Variants in WDR49 observed in about 807,000 individuals in gnomAD.
WDR49 encodes cilia- and flagella-associated protein 337.
Under a neutral mutation model 119.5 loss-of-function variants are expected in WDR49, and 107 were observed. That is an observed-to-expected ratio of 0.90 (90% CI 0.77 to 1.05). The LOEUF is 1.05. Among genes scored for constraint, WDR49 ranks in the 50% least tolerant of loss-of-function variants. The probability of loss-of-function intolerance (pLI) is 0.00; values close to 1 mark genes in which losing one functional copy is unlikely to be tolerated. For missense variants in WDR49, 1,240 were observed against 1,220.5 expected (o/e 1.02, Z -0.24); for synonymous variants, 425 against 418.8 (o/e 1.01, Z -0.18).
At chr3:167,506,587 T>C (rs1246045067) in intron 16 of WDR49, among the ~76,000 whole-genome samples, 1 of 152,192 alleles carries the variant, frequency 6.6e-6, no homozygotes, top group Non-Finnish European at 1.5e-5. Context: ...AGGTTTTAGA[T>C]TTGCAGAAAA....
At chr3:167,517,858 A>G (rs185990930) in intron 16 of WDR49, among the ~76,000 whole-genome samples, 1 of 152,032 alleles carries the variant, frequency 6.6e-6, no homozygotes, top group East Asian at 1.9e-4. Context: ...AGCATTAGTT[A>G]TATCTCCTAA....
intron 18 of WDR49, among the ~76,000 whole-genome samples, chr3:167,491,035 C>A (rs1440263712): frequency 6.6e-6 from 1 of 152,028 alleles, no homozygotes; most frequent in Non-Finnish European, 1.5e-5. Context: ...CATCCCAGAT[C>A]CCTATACAGA....
At chr3:167,563,440 A>T (rs1240870882) in intron 8 of WDR49, among the ~76,000 whole-genome samples, 2 of 151,990 alleles carry the variant, frequency 1.3e-5, no homozygotes, top group Admixed American at 6.6e-5. Context: ...TTTCTCACAG[A>T]AGTGCTTAGG....
Position 167,621,610 on chromosome 3 carries a change from A to G in WDR49, c.640T>C (p.Phe214Leu). 6.5e-7 allele frequency: 1 copy of G among 1,534,454 alleles called. No homozygotes were observed. Among genetic ancestry groups the G allele is most frequent in the Non-Finnish European group, 8.7e-7 (1 of 1,146,020 alleles). Reference protein sequence around the residue: ...AVAFTSKEVCFYDLLSKEEFA... With the variant: ...AVAFTSKEVCLYDLLSKEEFA... ...TCTTCTTTGGACAGCAGATCATAGA[A>G]ACAAACCTCTTTACTTGTAAAAGCC... is the stretch of plus-strand genomic sequence containing the variant. The change falls in exon 4 of 19, where the codon TTC becomes CTC. Residue 214 changes from phenylalanine (F) to leucine (L), a missense_variant. Physicochemically the swap from Phe to Leu is conservative, Grantham distance 22. Transcript: ENST00000682715.
chr3:167,572,954 T>C (rs1714020585), intron 8 of WDR49, among the ~76,000 whole-genome samples: 1 of 152,096 alleles, frequency 6.6e-6, no homozygotes. Flanking sequence ...AAAACTGCAG[T>C]TCAGGGTACC....
chr3:167,479,002 A>G lies in WDR49; in HGVS notation c.3032-6T>C, dbSNP rs1750590346. The G allele has an allele frequency of 6.4e-7, 1 of 1,563,264 alleles. No individual in the cohort carries two copies. The highest frequency in any genetic ancestry group is 1.4e-5 in the African/African-American group (1 of 73,154). On this transcript the variant is annotated splice_polypyrimidine_tract_variant and splice_region_variant and intron_variant, in intron 18 of 18. Transcript: ENST00000682715. ...ATCAAATACAGCTTTCAAAGCTACA[A>G]AATGATGAGGAAAATCACAAGTGAA...
chr3:167,607,718 T>C (rs923304504), intron 5 of WDR49, among the ~76,000 whole-genome samples: 12 of 152,150 alleles, frequency 7.9e-5, no homozygotes, highest in African/African-American at 2.9e-4. Context: ...GTTCTTCCTA[T>C]TACCAACTAC....
In WDR49 at chr3:167,633,977, C is replaced by T. The variant is rs148515319; in HGVS notation, c.166-6685G>A. Among the ~76,000 whole-genome samples, 581 of 151,946 alleles carry T rather than the reference C, an allele frequency of 3.8e-3. 3 individuals carry two copies. The highest frequency in any genetic ancestry group is 5.8e-3 in the Non-Finnish European group (393 of 67,896). ...ATAGATAGGGAAATACTGGGAATTTCGGAAATTTTACTTCATTATAAAACA... is the reference window on the plus strand; with the variant it reads ...ATAGATAGGGAAATACTGGGAATTTTGGAAATTTTACTTCATTATAAAACA... On this transcript the variant is annotated intron_variant, in intron 2 of 18. Coordinates refer to ENST00000682715, the MANE Select transcript of WDR49 (RefSeq NM_001366157.1).
At chr3:167,500,363 G>T in intron 17 of WDR49, 64 bp from the exon 18 acceptor site, 1 of 1,557,728 alleles carries the variant, frequency 6.4e-7, no homozygotes, top group South Asian at 1.2e-5. Context: ...TTAACTCCTT[G>T]GAAAGAGCCA....
At chr3:167,538,100 T>G (rs145231458) in intron 10 of WDR49, among the ~76,000 whole-genome samples, 14 of 152,258 alleles carry the variant, frequency 9.2e-5, no homozygotes, top group African/African-American at 3.1e-4. Context: ...TTTCTCTCTA[T>G]CCACTCAAAC....
At chr3:167,510,708 T>C (rs966616238) in intron 16 of WDR49, among the ~76,000 whole-genome samples, 3 of 152,098 alleles carry the variant, frequency 2.0e-5, no homozygotes, top group African/African-American at 7.2e-5. Flanking sequence ...TACACCCCAA[T>C]TTTTTAACCT....
chr3:167,500,425 G>A (rs1297320824), intron 17 of WDR49, 126 bp from the exon 18 acceptor site: 3 of 1,127,774 alleles, frequency 2.7e-6, no homozygotes, highest in East Asian at 2.6e-5. Context: ...TACTCAGCTG[G>A]TACAGCTGCA....
chr3:167,484,223 A>T (rs1255064104), intron 18 of WDR49, among the ~76,000 whole-genome samples: 1 of 152,146 alleles, frequency 6.6e-6, no homozygotes. Context: ...AACTTTAGAT[A>T]AGGGAGATTA....
intron 3 of WDR49, among the ~76,000 whole-genome samples, chr3:167,622,834 A>T (rs904529005): frequency 6.6e-6 from 1 of 152,164 alleles, no homozygotes; most frequent in African/African-American, 2.4e-5. Context: ...GCAAATCTCA[A>T]AAAATTTAAA....
chr3:167,527,638 G>A (rs573838576), intron 15 of WDR49, among the ~76,000 whole-genome samples, 182 bp downstream of exon 15: 57 of 152,088 alleles, frequency 3.7e-4, no homozygotes, highest in Non-Finnish European at 7.2e-4. Context: ...TCCACTTGAT[G>A]GAACTGTCTT....
At chr3:167,605,053 T>C (rs1264381935) in intron 5 of WDR49, among the ~76,000 whole-genome samples, 1 of 151,186 alleles carries the variant, frequency 6.6e-6, no homozygotes, top group Admixed American at 6.6e-5. Flanking sequence ...TGTGTACATA[T>C]ACATATGGCG....
intron 7 of WDR49, among the ~76,000 whole-genome samples, chr3:167,599,588 C>A (rs755385045): frequency 6.6e-6 from 1 of 152,168 alleles, no homozygotes; most frequent in Non-Finnish European, 1.5e-5. Flanking sequence ...TGATCTGGTA[C>A]CTAAGGTGCT....
chr3:167,599,790 CT>C (rs1341884643), intron 7 of WDR49, among the ~76,000 whole-genome samples: 1 of 150,408 alleles, frequency 6.6e-6, no homozygotes, highest in African/African-American at 2.5e-5. Flanking sequence ...TACTTTACTT[CT>C]GCTTTTCTCA....
intron 16 of WDR49, among the ~76,000 whole-genome samples, chr3:167,513,074 C>T (rs1752049027): frequency 6.6e-6 from 1 of 152,026 alleles, no homozygotes. Flanking sequence ...CAAGACAGGC[C>T]AACATTCAAA....
Sources: gnomAD v4.1 joint callset for allele counts (sites outside exome capture counted in the v4.1 genomes callset) on GRCh38, gnomAD v4.1.1 for gene constraint, MANE v1.5 for transcripts, NCBI Gene and HGNC (gene_info 2026-07-23, HGNC 2026-07-21) for gene names.